The following PDE4D variants were observed in gnomAD, a reference collection of about 807,000 sequenced individuals.
The protein encoded by PDE4D is 3',5'-cyclic-AMP phosphodiesterase 4D.
PDE4D carries 24 observed loss-of-function variants against 87.4 expected under a neutral mutation model. The ratio of observed to expected loss-of-function variants is 0.27; its 90% confidence interval spans 0.20 to 0.39. The LOEUF (loss-of-function observed/expected upper bound fraction) is 0.39. Among genes scored for constraint, PDE4D ranks in the 10% least tolerant of loss-of-function variants. The probability of loss-of-function intolerance (pLI) is 1.00; values close to 1 mark genes in which losing one functional copy is unlikely to be tolerated. For missense variants in PDE4D, 714 were observed against 1,041.0 expected, an observed-to-expected ratio of 0.69 and a Z score of 4.32; for synonymous variants, 384 against 383.2, an observed-to-expected ratio of 1.00 and a Z score of -0.02.
chr5:59,342,375 G>T (rs981892832), intron 1 of PDE4D, among the ~76,000 whole-genome samples: 3 of 151,998 alleles, frequency 2.0e-5, no homozygotes, highest in Admixed American at 6.6e-5. Context: ...TTCCCCTAGC[G>T]CTTGCATTCA....
At chr5:60,041,135 A>T (rs1352018464) in intron 2 of PDE4D, among the ~76,000 whole-genome samples, 1 of 152,236 alleles carries the variant, frequency 6.6e-6, no homozygotes, top group East Asian at 1.9e-4. Context: ...TTTGAGAAGC[A>T]ATATGTTCAT....
rs1759064957 is a variant in PDE4D, at chr5:59,038,900, G to A, written c.880C>T (p.Leu294=). ...TCACTGACGGAGTGCCTGGTCTGTA[G>A]GGTCTCTAGCTGGTCCAGACACCAG... ...LDWCLDQLET[L]QTRHSVSEMA... Residue 294 remains leucine, a synonymous_variant, in exon 6 of 15, where the codon CTA becomes TTA. Transcript: ENST00000340635. 1 of 1,601,088 alleles carries A rather than the reference G, an allele frequency of 6.2e-7. No individual in the cohort carries two copies. Among genetic ancestry groups the A allele is most frequent in the South Asian group, 1.1e-5 (1 of 88,852 alleles).
intron 1 of PDE4D, among the ~76,000 whole-genome samples, chr5:59,507,528 G>T (rs1487829885): frequency 6.7e-6 from 1 of 150,170 alleles, no homozygotes; most frequent in African/African-American, 2.4e-5. Flanking sequence ...AGCCAGGTGT[G>T]GTGTCATATG....
At chr5:59,549,437 T>G (rs1817766118) in intron 1 of PDE4D, among the ~76,000 whole-genome samples, 1 of 152,204 alleles carries the variant, frequency 6.6e-6, no homozygotes, top group South Asian at 2.1e-4. Flanking sequence ...AGAACCATTT[T>G]CCACCAATTT....
chr5:59,723,907 T>G (rs1159754913), intron 1 of PDE4D, among the ~76,000 whole-genome samples: 4 of 152,144 alleles, frequency 2.6e-5, no homozygotes, highest in Admixed American at 6.6e-5. Flanking sequence ...GAGATTAAAA[T>G]CCAGGTTATG....
At chr5:59,852,181 T>C (rs572700863) in intron 1 of PDE4D, among the ~76,000 whole-genome samples, 2 of 152,106 alleles carry the variant, frequency 1.3e-5, no homozygotes, top group African/African-American at 4.8e-5. Context: ...CAGAAAGCAG[T>C]CTTCTTCACT....
chr5:60,014,950 A>G (rs917307266), intron 2 of PDE4D, among the ~76,000 whole-genome samples: 1 of 152,154 alleles, frequency 6.6e-6, no homozygotes, highest in African/African-American at 2.4e-5. Context: ...TTTTCAGGAA[A>G]CCTAGATTTG....
chr5:59,125,661 G>A lies in PDE4D; in HGVS notation c.808+54934C>T, dbSNP rs138281171. Among the ~76,000 whole-genome samples the A allele has an allele frequency of 3.7e-3, 558 of 152,224 alleles. 3 individuals carry two copies. The highest frequency in any genetic ancestry group is 4.5e-3 in the Non-Finnish European group (308 of 67,992). ...GGAAGAAGGGAGAAAGTCTTTCTTC[G>A]TTTTTCACTGCAGGAAATGATCTGG... On this transcript the variant is annotated intron_variant, in intron 5 of 14. Transcript: ENST00000340635.
At chr5:59,247,832 C>T (rs527563667) in intron 1 of PDE4D, among the ~76,000 whole-genome samples, 166 of 151,876 alleles carry the variant, frequency 1.1e-3, no homozygotes, top group Non-Finnish European at 2.0e-3. Flanking sequence ...CTTGAACATA[C>T]GTCTTATCTC....
At chr5:60,432,809 G>A (rs1744456577) in intron 1 of PDE4D, among the ~76,000 whole-genome samples, 1 of 152,106 alleles carries the variant, frequency 6.6e-6, no homozygotes, top group Non-Finnish European at 1.5e-5. Context: ...CAACAAAGTT[G>A]ACAAAAACAA....
chr5:60,095,946 TTTC>T (rs774056145), intron 2 of PDE4D, among the ~76,000 whole-genome samples: 6 of 152,138 alleles, frequency 3.9e-5, no homozygotes, highest in African/African-American at 4.8e-5. Context: ...GTTCTTTGTT[TTTC>T]TTCTTGTAAA....
chr5:58,977,068 A>C, intron 12 of PDE4D, 123 bp downstream of exon 12: 1 of 863,940 alleles, frequency 1.2e-6, no homozygotes, highest in Non-Finnish European at 1.8e-6. Context: ...CTTCTATAAC[A>C]TAAAGGGCCA....
chr5:60,168,369 C>T (rs537595737), intron 2 of PDE4D, among the ~76,000 whole-genome samples: 3 of 152,266 alleles, frequency 2.0e-5, no homozygotes, highest in East Asian at 3.9e-4. Context: ...ATTCCATAAT[C>T]CCTGTTTTCT....
chr5:60,380,488 G>A (rs1193266720), intron 1 of PDE4D, among the ~76,000 whole-genome samples: 5 of 152,216 alleles, frequency 3.3e-5, no homozygotes, highest in South Asian at 2.1e-4. Flanking sequence ...TCTATAATAC[G>A]CTCTTTTCTT....
intron 2 of PDE4D, among the ~76,000 whole-genome samples, chr5:60,081,388 C>T (rs766415712): frequency 8.5e-4 from 125 of 147,104 alleles, no homozygotes; most frequent in Non-Finnish European, 1.1e-3. Flanking sequence ...TCTCTATCTC[C>T]TTCAATTCTT....
chr5:59,946,514 A>C (rs546440648), intron 3 of PDE4D, among the ~76,000 whole-genome samples: 1 of 152,360 alleles, frequency 6.6e-6, no homozygotes, highest in South Asian at 2.1e-4. Context: ...GTGCTGGACC[A>C]AGAGACTTTC....
rs145585466 is a variant in PDE4D, at chr5:59,006,108, C to T, written c.922-12643G>A. On this transcript the variant is annotated intron_variant, in intron 6 of 14. Coordinates refer to ENST00000340635, the MANE Select transcript of PDE4D (RefSeq NM_001104631.2). ...CCCTCATATGCAGATGTAATGATGA[C>T]GACACATTCAGACAAGGAACTGAGG... Among the ~76,000 whole-genome samples the T allele has an allele frequency of 2.4e-3, 365 of 152,244 alleles. 1 individual carries two copies. Among genetic ancestry groups the T allele is most frequent in the Middle Eastern group, 3.4e-3 (1 of 294 alleles).
chr5:59,273,100 A>G (rs548633189), intron 1 of PDE4D, among the ~76,000 whole-genome samples: 10 of 152,192 alleles, frequency 6.6e-5, no homozygotes, highest in Non-Finnish European at 1.5e-4. Context: ...TTTGGAGATC[A>G]ACCTGGAAAC....
intron 1 of PDE4D, among the ~76,000 whole-genome samples, chr5:60,344,046 G>C (rs948711091): frequency 6.6e-6 from 1 of 151,420 alleles, no homozygotes; most frequent in Non-Finnish European, 1.5e-5. Flanking sequence ...GGATTACAGA[G>C]TTATAAACTG....
Sources: allele counts gnomAD v4.1 joint callset (sites outside exome capture counted in the v4.1 genomes callset), GRCh38; gene constraint gnomAD v4.1.1; transcripts MANE v1.5; gene names NCBI Gene and HGNC (gene_info 2026-07-23, HGNC 2026-07-21).